CEP192: variants seen among roughly 807,000 people sequenced by gnomAD.
CEP192 encodes the protein centrosomal protein 192.
In CEP192, 151 loss-of-function variants were observed where a neutral mutation model predicts 271.8. The observed-to-expected ratio is 0.56, with a 90% CI of 0.49 to 0.64. The LOEUF is 0.64. CEP192 is among the 30% of genes least tolerant of loss of function. The probability of loss-of-function intolerance (pLI) is 0.00; values close to 1 mark genes in which losing one functional copy is unlikely to be tolerated. For missense variants in CEP192, 2,910 were observed against 3,020.5 expected, an observed-to-expected ratio of 0.96 and a Z score of 0.86; for synonymous variants, 995 against 1,076.5, an observed-to-expected ratio of 0.92 and a Z score of 1.48.
intron 1 of CEP192, among the ~76,000 whole-genome samples, chr18:12,993,563 G>A (rs1398978526): frequency 6.6e-6 from 1 of 152,184 alleles, no homozygotes; most frequent in Non-Finnish European, 1.5e-5. Flanking sequence ...GCTCACTGCA[G>A]CCTCAAACTT....
intron 11 of CEP192, among the ~76,000 whole-genome samples, chr18:13,032,116 G>C (rs1350647084): frequency 6.6e-6 from 1 of 152,168 alleles, no homozygotes; most frequent in Admixed American, 6.5e-5. Context: ...GAACTTGCTT[G>C]GTGAATCTTC....
intron 8 of CEP192, among the ~76,000 whole-genome samples, 156 bp downstream of exon 8, chr18:13,018,771 A>G (rs2034811948): frequency 1.3e-5 from 2 of 152,190 alleles, no homozygotes; most frequent in Admixed American, 6.5e-5. Context: ...AGAGCTTTTA[A>G]TAATAGCTGA....
chr18:13,047,227 T>C (rs2036531735), intron 15 of CEP192, among the ~76,000 whole-genome samples: 1 of 152,204 alleles, frequency 6.6e-6, no homozygotes, highest in African/African-American at 2.4e-5. Context: ...GGAATTGAGC[T>C]GATTGGAGCT....
intron 11 of CEP192, among the ~76,000 whole-genome samples, chr18:13,036,342 G>A (rs906855980): frequency 6.6e-6 from 1 of 152,128 alleles, no homozygotes; most frequent in Non-Finnish European, 1.5e-5. Flanking sequence ...GGTCGCAAAG[G>A]AGCAGTGTGG....
chr18:13,092,942 CAGG>C (rs1238910353), intron 34 of CEP192, among the ~76,000 whole-genome samples: 1 of 151,996 alleles, frequency 6.6e-6, no homozygotes, highest in East Asian at 1.9e-4. Context: ...ATCACGAGGT[CAGG>C]AGATCGAGAT....
At chr18:13,002,238 T>G (rs2033694841) in intron 3 of CEP192, among the ~76,000 whole-genome samples, 2 of 152,162 alleles carry the variant, frequency 1.3e-5, no homozygotes, top group East Asian at 1.9e-4. Context: ...TAAATCTTCT[T>G]TTTACTTCTA....
chr18:13,050,013 C>T, intron 17 of CEP192, 122 bp downstream of exon 17: 1 of 749,304 alleles, frequency 1.3e-6, no homozygotes, highest in Admixed American at 3.4e-5. Context: ...CTCTTGTAAG[C>T]TGTGAATTTC....
rs777019629 is a variant in CEP192, at chr18:13,018,505, G to A, written c.815G>A (p.Cys272Tyr). ...GCAAATGAAAACGGTAGCTTAAACT[G>A]CAAGTTTCAATCAGAAAATAACAGC... is the stretch of plus-strand genomic sequence containing the variant. ...RQANENGSLN[C>Y]KFQSENNSSL... is the part of the protein sequence containing the mutation. The change falls in exon 8 of 45, where the codon TGC becomes TAC. Residue 272 changes from cysteine (C) to tyrosine (Y), a missense_variant. Cys to Tyr is a radical substitution (Grantham distance 194). Transcript: ENST00000506447. 8.5e-6 allele frequency: 13 copies of A among 1,535,058 alleles called. No individual in the cohort carries two copies. The highest frequency in any genetic ancestry group is 1.1e-5 in the Non-Finnish European group (12 of 1,136,090).
chr18:13,049,107 A>G lies in CEP192; in HGVS notation c.2316A>G (p.Lys772=). 1 of 1,614,134 alleles carries G rather than the reference A, an allele frequency of 6.2e-7. No individual in the cohort carries two copies. The highest frequency in any genetic ancestry group is 8.5e-7 in the Non-Finnish European group (1 of 1,179,990). The change falls in exon 16 of 45, where the codon AAA becomes AAG. Residue 772 remains lysine, a synonymous_variant. Coordinates refer to ENST00000506447, the MANE Select transcript of CEP192 (RefSeq NM_032142.4). The part of the protein sequence containing the change: ...VRHFLPNDLE[K]SNGSNALDME... Reference sequence around the variant, plus strand: ...ATTTCTTACCTAATGATTTAGAAAAAAGTAATGGATCCAATGCACTTGATA... The same window carrying G: ...ATTTCTTACCTAATGATTTAGAAAAGAGTAATGGATCCAATGCACTTGATA...
chr18:13,033,556 T>G (rs1191075123), intron 11 of CEP192, among the ~76,000 whole-genome samples: 1 of 152,258 alleles, frequency 6.6e-6, no homozygotes, highest in Non-Finnish European at 1.5e-5. Context: ...GCAGTTCTGC[T>G]TCTGGGAATT....
chr18:13,010,091 G>A (rs916181080), intron 4 of CEP192, among the ~76,000 whole-genome samples: 8 of 151,530 alleles, frequency 5.3e-5, no homozygotes, highest in African/African-American at 1.9e-4. Flanking sequence ...AGGCGGTCAA[G>A]GTGATCATGC....
In CEP192 at chr18:13,049,434, A is replaced by T. The variant is rs896984916; in HGVS notation, c.2643A>T (p.Thr881=). The change falls in exon 16 of 45, where the codon ACA becomes ACT. Residue 881 remains threonine (T), a synonymous_variant. Coordinates refer to ENST00000506447, the MANE Select transcript of CEP192 (RefSeq NM_032142.4). ...ENNSAVVDVK[T]CSIDNKLQDV... is the part of the protein sequence containing the mutation. ...ACAGTGCAGTAGTTGATGTGAAGAC[A>T]TGTTCCATTGACAACAAATTACAAG... 2 of 1,614,168 alleles carry T rather than the reference A, an allele frequency of 1.2e-6. No individual in the cohort carries two copies. Among genetic ancestry groups the T allele is most frequent in the Non-Finnish European group, 1.7e-6 (2 of 1,180,010 alleles).
rs1366368848 is a variant in CEP192, at chr18:13,032,526, A to C, written c.1534+1918A>C. Among the ~76,000 whole-genome samples, 5 of 152,148 alleles carry C rather than the reference A, an allele frequency of 3.3e-5. No homozygotes were observed. The South Asian group carries it at 1.0e-3, about 32-fold the overall frequency. Reference sequence around the variant, plus strand: ...TCACTTAAAAGATCATGGAATTCTCATGTGTTGCTGGTGGGAGTGTAAATT... The same window carrying C: ...TCACTTAAAAGATCATGGAATTCTCCTGTGTTGCTGGTGGGAGTGTAAATT... On this transcript the variant is annotated intron_variant, in intron 11 of 44. Transcript: ENST00000506447.
intron 1 of CEP192, among the ~76,000 whole-genome samples, chr18:12,995,162 C>T (rs889070510): frequency 3.3e-5 from 5 of 151,338 alleles, no homozygotes; most frequent in Admixed American, 6.6e-5. Flanking sequence ...CCCGGATTCA[C>T]GCCATTCTCC....
intron 42 of CEP192, 62 bp downstream of exon 42, chr18:13,114,313 G>T: frequency 6.5e-7 from 1 of 1,544,630 alleles, no homozygotes. Flanking sequence ...AATAGAGTCA[G>T]TAAAATGCTC....
At chr18:13,047,486 A>G (rs1238556818) in intron 15 of CEP192, among the ~76,000 whole-genome samples, 1 of 152,230 alleles carries the variant, frequency 6.6e-6, no homozygotes. Flanking sequence ...AGATATGCTT[A>G]GGGAACAGCA....
chr18:13,035,999 A>C lies in CEP192; in HGVS notation c.1535-1238A>C, dbSNP rs552608154. Among the ~76,000 whole-genome samples, 5 of 152,046 alleles carry C rather than the reference A, an allele frequency of 3.3e-5. No homozygotes were observed. In the South Asian group the frequency reaches 1.0e-3, roughly 32 times the overall value. On this transcript the variant is annotated intron_variant, in intron 11 of 44. Transcript: ENST00000506447. ...ATCTCTAGCAAAAAATACAAAAATT[A>C]GCTGAGGGTGGTGGCACACGCTTGT...
chr18:13,111,189 A>G (rs1186934431), intron 40 of CEP192, among the ~76,000 whole-genome samples: 1 of 152,128 alleles, frequency 6.6e-6, no homozygotes, highest in South Asian at 2.1e-4. Context: ...CAGTGGTTCA[A>G]TCTCGTCTCA....
chr18:13,037,703 G>A (rs2035988149), intron 12 of CEP192, among the ~76,000 whole-genome samples: 1 of 152,140 alleles, frequency 6.6e-6, no homozygotes, highest in African/African-American at 2.4e-5. Flanking sequence ...TTGCAGGCAT[G>A]TGCTACCATG....
Sources: allele counts gnomAD v4.1 joint callset (sites outside exome capture counted in the v4.1 genomes callset), GRCh38; gene constraint gnomAD v4.1.1; transcripts MANE v1.5; gene names NCBI Gene and HGNC (gene_info 2026-07-23, HGNC 2026-07-21).